MEF2C: variants seen among roughly 807,000 people sequenced by gnomAD.
The protein encoded by MEF2C is myocyte-specific enhancer factor 2C.
A neutral mutation model predicts 50.5 loss-of-function variants in MEF2C; 6 were observed. That is an observed-to-expected ratio of 0.12 (90% CI 0.07 to 0.23). The LOEUF (loss-of-function observed/expected upper bound fraction) is 0.23. MEF2C is among the 10% of genes least tolerant of loss of function. The probability of loss-of-function intolerance (pLI) is 1.00; values close to 1 mark genes in which losing one functional copy is unlikely to be tolerated. For synonymous variants in MEF2C, 183 were observed against 228.0 expected, an observed-to-expected ratio of 0.80 and a Z score of 1.78; for missense variants, 276 against 605.0, an observed-to-expected ratio of 0.46 and a Z score of 5.70.
intron 1 of MEF2C, chr5:88,881,178 C>T (rs916805656): frequency 6.6e-6 from 1 of 152,130 alleles, no homozygotes; most frequent in African/African-American, 2.4e-5. Context: ...TGTTTAAAGA[C>T]TGTTTTGATG....
intron 6 of MEF2C, chr5:88,735,082 GA>G: frequency 1.0e-6 from 1 of 985,296 alleles, no homozygotes; most frequent in African/African-American, 1.7e-5. Flanking sequence ...CAAGACTGTG[GA>G]TCCTAAACCA....
At position 88,722,766 on chromosome 5, in the gene MEF2C, A is replaced by T. The variant is rs1179704373; in HGVS notation, c.1260T>A (p.Pro420=). The T allele has an allele frequency of 6.2e-7, 1 of 1,613,920 alleles. No individual in the cohort carries two copies. The highest frequency in any genetic ancestry group is 8.5e-7 in the Non-Finnish European group (1 of 1,179,882). The change falls in exon 11 of 11, where the codon CCT becomes CCA. Residue 420 remains proline (P), a synonymous_variant. Coordinates refer to ENST00000504921, the MANE Select transcript of MEF2C (RefSeq NM_002397.5). ...QHTRHEAGRS[P]VDSLSSCSSS... is the part of the protein sequence containing the mutation. The stretch of plus-strand genomic sequence containing the variant: ...TGCTACAGCTGCTCAAGCTGTCAAC[A>T]GGAGATCTCCCCGCCTCGTGGCGCG...
chr5:88,875,797 A>T (rs1321547963), intron 1 of MEF2C, among the ~76,000 whole-genome samples: 1 of 151,974 alleles, frequency 6.6e-6, no homozygotes. Context: ...AAAGGACATT[A>T]GTTAGGGCTG....
chr5:88,735,292 G>T (rs773926033), intron 6 of MEF2C: 68 of 985,182 alleles, frequency 6.9e-5, no homozygotes, highest in Non-Finnish European at 8.2e-5. Flanking sequence ...TCAGGGGTCC[G>T]GGAGGTGGGA....
chr5:88,740,535 CCT>C, intron 6 of MEF2C: 1 of 982,540 alleles, frequency 1.0e-6, no homozygotes, highest in Non-Finnish European at 1.2e-6. Flanking sequence ...CTGAGATCAC[CCT>C]GTCAGCAAGG....
In MEF2C at chr5:88,898,042, T is replaced by C. The variant is rs1288846108; in HGVS notation, c.-240+5874A>G. Reference sequence around the variant, plus strand: ...TTATTTGCATGCTACTCTCTTAAGGTGAGGGGAAGCATAAGATCCACAGGT... The same window carrying C: ...TTATTTGCATGCTACTCTCTTAAGGCGAGGGGAAGCATAAGATCCACAGGT... On this transcript the variant is annotated intron_variant, in intron 1 of 11. Coordinates refer to the MEF2C transcript ENST00000340208. Among the ~76,000 whole-genome samples, 5 of 152,080 alleles carry C rather than the reference T, an allele frequency of 3.3e-5. No homozygotes were observed. The East Asian group carries it at 9.6e-4, about 29-fold the overall frequency.
chr5:88,747,817 T>C (rs1393722458), intron 6 of MEF2C, among the ~76,000 whole-genome samples: 1 of 152,200 alleles, frequency 6.6e-6, no homozygotes, highest in African/African-American at 2.4e-5. Flanking sequence ...CACCATTCTT[T>C]CTAATCATAG....
chr5:88,733,314 AAG>A (rs1762481364), intron 6 of MEF2C: 1 of 985,172 alleles, frequency 1.0e-6, no homozygotes, highest in Admixed American at 6.2e-5. Context: ...GACCCGTGAA[AAG>A]AGAGGGGTGT....
chr5:88,740,558 G>T, intron 6 of MEF2C: 2 of 984,776 alleles, frequency 2.0e-6, no homozygotes, highest in Non-Finnish European at 2.4e-6. Context: ...AAGAGGCTTT[G>T]ATTTGAATCC....
intron 6 of MEF2C, chr5:88,735,443 A>G (rs1343682569): frequency 1.0e-6 from 1 of 985,258 alleles, no homozygotes; most frequent in Non-Finnish European, 1.2e-6. Flanking sequence ...ACTTAAAGGC[A>G]CAAAAATTAT....
intron 1 of MEF2C, among the ~76,000 whole-genome samples, chr5:88,882,182 C>T (rs1833086723): frequency 6.6e-6 from 1 of 152,126 alleles, no homozygotes; most frequent in African/African-American, 2.4e-5. Context: ...TATATACTTC[C>T]TTTGTGACAA....
chr5:88,725,687 A>G (rs565480504), intron 10 of MEF2C, among the ~76,000 whole-genome samples: 28 of 152,118 alleles, frequency 1.8e-4, no homozygotes, highest in Non-Finnish European at 3.5e-4. Context: ...CTTTCCCATA[A>G]TTGTTCAGAA....
chr5:88,810,821 T>A (rs530744471), intron 2 of MEF2C, among the ~76,000 whole-genome samples: 1 of 152,108 alleles, frequency 6.6e-6, no homozygotes, highest in African/African-American at 2.4e-5. Flanking sequence ...CAGATCTGCA[T>A]GCAACGTAAA....
chr5:88,766,823 A>C (rs1780263587), intron 3 of MEF2C: 2 of 985,328 alleles, frequency 2.0e-6, no homozygotes, highest in Non-Finnish European at 1.2e-6. Flanking sequence ...TGTCATGTTC[A>C]CACAAAAACC....
At chr5:88,893,433 G>A (rs188086337) in intron 1 of MEF2C, among the ~76,000 whole-genome samples, 1 of 151,806 alleles carries the variant, frequency 6.6e-6, no homozygotes. Context: ...ATGTTGGCCA[G>A]GTTGGTCTTG....
At chr5:88,834,147 G>A (rs1362012246) in intron 1 of MEF2C, among the ~76,000 whole-genome samples, 2 of 152,124 alleles carry the variant, frequency 1.3e-5, no homozygotes, top group African/African-American at 4.8e-5. Context: ...TCAGGGTGGT[G>A]GGCAGGCAGG....
intron 1 of MEF2C, among the ~76,000 whole-genome samples, chr5:88,830,593 A>G (rs959732080): frequency 2.0e-5 from 3 of 152,032 alleles, no homozygotes; most frequent in African/African-American, 7.2e-5. Flanking sequence ...CTCTATTCCC[A>G]TGCCAAAATA....
At chr5:88,752,981 A>C (rs1424166814) in intron 4 of MEF2C, among the ~76,000 whole-genome samples, 1 of 152,252 alleles carries the variant, frequency 6.6e-6, no homozygotes, top group East Asian at 1.9e-4. Flanking sequence ...AAATGGACAT[A>C]TATATGGAAT....
chr5:88,860,800 T>C (rs367800109), intron 1 of MEF2C, among the ~76,000 whole-genome samples: 10 of 152,176 alleles, frequency 6.6e-5, no homozygotes, highest in African/African-American at 2.4e-4. Flanking sequence ...TGACTACACA[T>C]TGGAGAAAAA....
Sources: allele counts gnomAD v4.1 joint callset (sites outside exome capture counted in the v4.1 genomes callset), GRCh38; gene constraint gnomAD v4.1.1; transcripts MANE v1.5; gene names NCBI Gene and HGNC (gene_info 2026-07-23, HGNC 2026-07-21).